The following F5 variants were observed in gnomAD, a reference collection of about 807,000 sequenced individuals.
F5 encodes the protein coagulation factor V, also known as activated protein c cofactor.
In F5, 138 loss-of-function variants were observed where a neutral mutation model predicts 216.4. The ratio of observed to expected loss-of-function variants is 0.64; its 90% CI spans 0.56 to 0.73. The LOEUF (loss-of-function observed/expected upper bound fraction) is 0.73. Among genes scored for constraint, F5 ranks in the 30% least tolerant of loss-of-function variants. The pLI is 0.00. For missense variants in F5, 2,403 were observed against 2,674.0 expected, an observed-to-expected ratio of 0.90 and a Z score of 2.24; for synonymous variants, 916 against 930.7, an observed-to-expected ratio of 0.98 and a Z score of 0.29.
intron 20 of F5, 32 bp from the exon 21 acceptor site, chr1:169,523,384 G>T (rs757430514): frequency 6.2e-7 from 1 of 1,613,212 alleles, no homozygotes; most frequent in Non-Finnish European, 8.5e-7. Flanking sequence ...AAACAGAACT[G>T]TCCTTGTCAA....
At chr1:169,560,445 T>C in intron 4 of F5, 109 bp downstream of exon 4, 1 of 1,019,998 alleles carries the variant, frequency 9.8e-7, no homozygotes, top group East Asian at 2.5e-5. Flanking sequence ...CGTCTTCCTC[T>C]GCTTGATGTA....
chr1:169,544,875 ATTAG>A (rs1659963161), intron 11 of F5, among the ~76,000 whole-genome samples: 1 of 152,224 alleles, frequency 6.6e-6, no homozygotes, highest in Non-Finnish European at 1.5e-5. Context: ...TTTTTGATAT[ATTAG>A]TCATTGGGTA....
At chr1:169,559,523 C>CT (rs1660413677) in intron 4 of F5, among the ~76,000 whole-genome samples, 1 of 152,238 alleles carries the variant, frequency 6.6e-6, no homozygotes, top group East Asian at 1.9e-4. Context: ...GGGGAACAGG[C>CT]TTTATTTCAT....
At chr1:169,534,394 G>T (rs892079856) in intron 14 of F5, among the ~76,000 whole-genome samples, 2 of 152,172 alleles carry the variant, frequency 1.3e-5, no homozygotes, top group Non-Finnish European at 2.9e-5. Context: ...TCAGCCGGGC[G>T]CAATGGCTCA....
chr1:169,555,075 C>T (rs1003574698), intron 7 of F5, 107 bp downstream of exon 7: 2 of 1,245,002 alleles, frequency 1.6e-6, no homozygotes, highest in African/African-American at 3.0e-5. Context: ...GAAACCAATA[C>T]ATGTGTCCCC....
rs1276506221 is a variant in F5 at position 169,540,441 on chromosome 1, T to C, written c.4649A>G (p.Tyr1550Cys). Reference protein sequence around the residue: ...EIDYVPYDDPYKTDVRTNINS... With the variant: ...EIDYVPYDDPCKTDVRTNINS... ...GATGTTTGTCCTAACATCAGTTTTG[T>C]AGGGGTCATCATAGGGCACATAATC... Residue 1550 changes from tyrosine (Y) to cysteine (C), a missense_variant, in exon 13 of 25, where the codon TAC becomes TGC. Physicochemically the swap from Tyr to Cys is radical, Grantham distance 194 (BLOSUM62 -2). Around this residue, in one of 4 missense-constraint regions of F5, gnomAD observed 293 missense variants for 270.8 expected, o/e 1.08. Transcript: ENST00000367797. 6.2e-7 allele frequency: 1 copy of C among 1,613,998 alleles called. No individual in the cohort carries two copies. Among genetic ancestry groups the C allele is most frequent in the African/African-American group, 1.3e-5 (1 of 75,014 alleles).
At position 169,555,356 on chromosome 1, in the gene F5, G is replaced by A; in HGVS notation, c.953-9C>T. ...GTAAGCCTGCATCCCAGCTGAGTTAGGACAGAAAGACAATGAAATAACTCA... is the reference window on the plus strand; with the variant it reads ...GTAAGCCTGCATCCCAGCTGAGTTAAGACAGAAAGACAATGAAATAACTCA... On this transcript the variant is annotated splice_polypyrimidine_tract_variant and intron_variant, in intron 6 of 24. Transcript: ENST00000367797. 2.5e-6 allele frequency: 4 copies of A among 1,613,672 alleles called. No homozygotes were observed. Among genetic ancestry groups the A allele is most frequent in the Non-Finnish European group, 2.5e-6 (3 of 1,179,808 alleles).
In F5 at chr1:169,549,787, C is replaced by T; in HGVS notation, c.1611+14G>A. ...TCTCAGAATTTCTGAAAGGTTACTTCAAGGACAAAATACCTGTATTCCTCG... is the reference window on the plus strand; with the variant it reads ...TCTCAGAATTTCTGAAAGGTTACTTTAAGGACAAAATACCTGTATTCCTCG... On this transcript the variant is annotated intron_variant, in intron 10 of 24. Transcript: ENST00000367797. 6.2e-7 allele frequency: 1 copy of T among 1,602,480 alleles called. No individual in the cohort carries two copies. Among genetic ancestry groups the T allele is most frequent in the Non-Finnish European group, 8.5e-7 (1 of 1,169,786 alleles).
intron 14 of F5, among the ~76,000 whole-genome samples, chr1:169,531,685 AT>A (rs1288915285): frequency 6.6e-6 from 1 of 152,094 alleles, no homozygotes; most frequent in Non-Finnish European, 1.5e-5. Flanking sequence ...CTGGTGAGAA[AT>A]GAGGCTAGAA....
intron 6 of F5, among the ~76,000 whole-genome samples, chr1:169,555,707 G>A (rs1454746379): frequency 7.3e-5 from 11 of 150,418 alleles, no homozygotes; most frequent in Admixed American, 7.3e-4. Context: ...AAATGAAGTA[G>A]CACCAGTACC....
intron 3 of F5, among the ~76,000 whole-genome samples, chr1:169,567,598 G>C (rs1660635666): frequency 6.7e-6 from 1 of 148,512 alleles, no homozygotes; most frequent in African/African-American, 2.5e-5. Flanking sequence ...AAAATTATCA[G>C]CAAAATCAAT....
chr1:169,562,411 CT>C (rs34414085), intron 3 of F5, among the ~76,000 whole-genome samples: 36,642 of 151,968 alleles, frequency 0.24, 5,329 homozygotes, highest in South Asian at 0.36. Context: ...TTTAGCATTG[CT>C]TTTTTATTCA....
rs1165668434 is a variant in F5 at position 169,544,417 on chromosome 1, C to T, written c.1854G>A (p.Gln618=). 1 of 1,614,074 alleles carries T rather than the reference C, an allele frequency of 6.2e-7. No individual in the cohort carries two copies. The highest frequency in any genetic ancestry group is 2.2e-5 in the East Asian group (1 of 44,868). The change falls in exon 12 of 25, where the codon CAG becomes CAA. Residue 618 remains glutamine (Q), a synonymous_variant. Coordinates refer to ENST00000367797, the MANE Select transcript of F5 (RefSeq NM_000130.5). Reference sequence around the variant, plus strand: ...TGAAGTGGATGGTCAAAATTTCATTCTGGGTCCCCACACTACAGAAGTGCC... The same window carrying T: ...TGAAGTGGATGGTCAAAATTTCATTTTGGGTCCCCACACTACAGAAGTGCC... The part of the protein sequence containing the change: ...VQWHFCSVGT[Q]NEILTIHFTG...
In F5 at chr1:169,552,702, G is replaced by A; in HGVS notation, c.1151C>T (p.Ser384Leu). ...CTTATAATGTTTTCCAATTTGGTTT[G>A]AGAAATTATCCAAATGCTGAGACCT... ...KYRSQHLDNFSNQIGKHYKKV... is the reference protein window; with the variant it reads ...KYRSQHLDNFLNQIGKHYKKV... The change falls in exon 8 of 25, where the codon TCA (serine) becomes TTA (leucine). Residue 384 changes from serine (S) to leucine (L), a missense_variant. Coordinates refer to ENST00000367797, the MANE Select transcript of F5 (RefSeq NM_000130.5). 1 of 1,612,008 alleles carries A rather than the reference G, an allele frequency of 6.2e-7. No individual in the cohort carries two copies. Among genetic ancestry groups the A allele is most frequent in the African/African-American group, 1.3e-5 (1 of 74,932 alleles).
intron 22 of F5, among the ~76,000 whole-genome samples, chr1:169,519,774 C>G (rs1659250707): frequency 6.6e-6 from 1 of 152,132 alleles, no homozygotes; most frequent in South Asian, 2.1e-4. Flanking sequence ...ATCAGCCAAG[C>G]CTTAGATTTA....
At chr1:169,539,205 A>G (rs1391037886) in intron 13 of F5, among the ~76,000 whole-genome samples, 4 of 152,152 alleles carry the variant, frequency 2.6e-5, no homozygotes, top group Non-Finnish European at 5.9e-5. Flanking sequence ...TTTGCTATAT[A>G]CTGTGAGTCA....
chr1:169,543,133 CAGAAGAG>C lies in F5; in HGVS notation c.1976-26_1976-20del. The C allele has an allele frequency of 6.2e-7, 1 of 1,608,090 alleles. No individual in the cohort carries two copies. On this transcript the variant is annotated intron_variant, in intron 12 of 24. Transcript: ENST00000367797. ...CAAGTTCCTACAGAAGAGAGACAGA[CAGAAGAG>C]AGATCTGGAAGTCTGGGAAAAGACA...
chr1:169,544,818 T>G (rs753451491), intron 11 of F5, among the ~76,000 whole-genome samples: 1 of 152,250 alleles, frequency 6.6e-6, no homozygotes, highest in Non-Finnish European at 1.5e-5. Context: ...TTTAAAGATA[T>G]TCTAATAATT....
At chr1:169,539,885 A>C (rs1391962279) in intron 13 of F5, among the ~76,000 whole-genome samples, 1 of 152,204 alleles carries the variant, frequency 6.6e-6, no homozygotes, top group Non-Finnish European at 1.5e-5. Flanking sequence ...TTCTGATCTA[A>C]ACAAGTAAAT....
Sources: allele counts gnomAD v4.1 joint callset (sites outside exome capture counted in the v4.1 genomes callset), GRCh38; gene constraint gnomAD v4.1.1; regional missense constraint gnomAD v4.1.1; transcripts MANE v1.5; gene names NCBI Gene and HGNC (gene_info 2026-07-23, HGNC 2026-07-21).